The following CTPS2 variants were observed in gnomAD, a reference collection of about 807,000 sequenced individuals.
CTPS2 encodes the protein CTP synthase 2.
CTPS2 carries 19 observed loss-of-function variants against 46.8 expected under a neutral mutation model. The ratio of observed to expected loss-of-function variants is 0.41; its 90% CI spans 0.28 to 0.60. The LOEUF is 0.60. CTPS2 is among the 20% of genes least tolerant of loss of function. The pLI is 0.35. For missense variants in CTPS2, 286 were observed against 447.6 expected (o/e 0.64, Z 3.26); for synonymous variants, 151 against 165.2 (o/e 0.91, Z 0.66).
At position 16,590,779 on chromosome X, in the gene CTPS2, G is replaced by C. The variant is rs761978749; in HGVS notation, c.*14C>G. 1 of 1,154,612 alleles carries C rather than the reference G, an allele frequency of 8.7e-7. No homozygotes were observed. Among genetic ancestry groups the C allele is most frequent in the Admixed American group, 2.2e-5 (1 of 45,507 alleles). On this transcript the variant is annotated 3_prime_UTR_variant, in exon 18 of 19. Coordinates refer to ENST00000359276, the MANE Select transcript of CTPS2 (RefSeq NM_175859.3). Reference sequence around the variant, plus strand: ...TCACAGGCAGTCCCCATTATTCCCAGTCATGTATTCATTTCAGCTTATTTC... The same window carrying C: ...TCACAGGCAGTCCCCATTATTCCCACTCATGTATTCATTTCAGCTTATTTC...
intron 13 of CTPS2, among the ~76,000 whole-genome samples, chrX:16,646,429 G>A (rs1932323769): frequency 8.9e-6 from 1 of 112,543 alleles, no homozygotes. Context: ...CCATAGTAAA[G>A]ATACGCACTC....
chrX:16,631,773 A>G (rs2093012549), intron 14 of CTPS2, among the ~76,000 whole-genome samples: 1 of 111,731 alleles, frequency 9.0e-6, no homozygotes, highest in African/African-American at 3.3e-5. Context: ...GACACTATCA[A>G]GTTGTTGGCC....
At chrX:16,619,693 G>C (rs1215302623) in intron 15 of CTPS2, among the ~76,000 whole-genome samples, 1 of 111,738 alleles carries the variant, frequency 8.9e-6, no homozygotes, top group Non-Finnish European at 1.9e-5. Context: ...CAAATGCATC[G>C]TAATTGACAC....
chrX:16,654,575 G>A (rs1479313410), intron 13 of CTPS2: 2 of 592,359 alleles, frequency 3.4e-6, no homozygotes, highest in Non-Finnish European at 5.3e-6. Flanking sequence ...CTTATCCTAT[G>A]TGGAATCCCC....
intron 13 of CTPS2, among the ~76,000 whole-genome samples, chrX:16,646,934 C>T (rs1200091718): frequency 8.9e-6 from 1 of 112,030 alleles, no homozygotes; most frequent in Non-Finnish European, 1.9e-5. Flanking sequence ...CATTACCACC[C>T]TTGTGCCTGT....
At chrX:16,677,654 C>T (rs1364174662) in intron 10 of CTPS2, among the ~76,000 whole-genome samples, 1 of 111,451 alleles carries the variant, frequency 9.0e-6, no homozygotes, top group African/African-American at 3.3e-5. Context: ...GATAGGAGGT[C>T]AGCAAAAGAT....
At position 16,588,784 on chromosome X, in the gene CTPS2, T is replaced by G. The variant is rs1185875427; in HGVS notation, c.*1033A>C. ...GGAAATAGTTAAAGGTGGTGGTTGC[T>G]CAACATCAGTGAATGCAACCAAATT... On this transcript the variant is annotated 3_prime_UTR_variant, in exon 19 of 19. Transcript: ENST00000359276. The G allele has an allele frequency of 8.9e-6, 1 of 112,383 alleles. No homozygotes were observed. Among genetic ancestry groups the G allele is most frequent in the Non-Finnish European group, 1.9e-5 (1 of 53,314 alleles). 9.3% of individuals were successfully genotyped at this position (112,383 alleles called of 1,213,427 possible). A position where few individuals can be genotyped will look rare whatever the true frequency, so the allele number is the denominator to read the frequency against.
chrX:16,711,450 C>T (rs1925457432), intron 1 of CTPS2: 1 of 110,965 alleles, frequency 9.0e-6, no homozygotes, highest in Non-Finnish European at 1.9e-5. Context: ...CCGGAAGCAC[C>T]CAGAGACACC....
intron 17 of CTPS2, among the ~76,000 whole-genome samples, chrX:16,591,827 G>A (rs192693267): frequency 2.3e-3 from 253 of 110,745 alleles, no homozygotes; most frequent in Non-Finnish European, 4.3e-3. Context: ...CAGAGGAAAC[G>A]AGTATCCTTA....
At chrX:16,637,994 G>A (rs749407746) in intron 14 of CTPS2, among the ~76,000 whole-genome samples, 1 of 111,724 alleles carries the variant, frequency 9.0e-6, no homozygotes, top group African/African-American at 3.2e-5. Flanking sequence ...GGTGACTCAC[G>A]CCTGTAATCC....
intron 13 of CTPS2, chrX:16,654,707 A>C: frequency 4.2e-6 from 1 of 236,878 alleles, no homozygotes; most frequent in Non-Finnish European, 7.6e-6. Context: ...AACATAATAG[A>C]CTTGAAAGTA....
At position 16,601,360 on chromosome X, in the gene CTPS2, C is replaced by T. The variant is rs192788904; in HGVS notation, c.1691+8181G>A. On this transcript the variant is annotated intron_variant, in intron 17 of 18. Transcript: ENST00000359276. Reference sequence around the variant, plus strand: ...TTCACCTAATAATTCACCTCCGATTCGCCACCTTGTCACCTCCGATTCACC... The same window carrying T: ...TTCACCTAATAATTCACCTCCGATTTGCCACCTTGTCACCTCCGATTCACC... Among the ~76,000 whole-genome samples the T allele has an allele frequency of 1.8e-4, 20 of 110,882 alleles. No homozygotes were observed. The East Asian group carries it at 2.0e-3, about 11-fold the overall frequency.
chrX:16,640,763 C>T (rs1602181316), intron 13 of CTPS2, among the ~76,000 whole-genome samples: 2 of 111,651 alleles, frequency 1.8e-5, no homozygotes, highest in Non-Finnish European at 3.8e-5. Flanking sequence ...CTCATAAAAC[C>T]TTTCATTTGT....
intron 1 of CTPS2, chrX:16,712,039 G>A (rs1167547623): frequency 9.0e-6 from 1 of 111,083 alleles, no homozygotes; most frequent in Non-Finnish European, 1.9e-5. Flanking sequence ...GCGGGCGGAG[G>A]CGGGAAGAAG....
chrX:16,654,205 A>C (rs767670407), intron 13 of CTPS2, among the ~76,000 whole-genome samples: 1 of 112,818 alleles, frequency 8.9e-6, no homozygotes, highest in African/African-American at 3.2e-5. Context: ...GAGGACAAAA[A>C]GGTAGCCAGT....
At chrX:16,711,640 G>A (rs1394614227) in intron 1 of CTPS2, 1 of 111,150 alleles carries the variant, frequency 9.0e-6, no homozygotes, top group Non-Finnish European at 1.9e-5. Flanking sequence ...TTTGCAGGGT[G>A]AAGGAAATGG....
chrX:16,620,213 G>A (rs12850210), intron 15 of CTPS2, 64 bp downstream of exon 15: 486 of 938,867 alleles, frequency 5.2e-4, no homozygotes, highest in Non-Finnish European at 6.8e-4. Flanking sequence ...GGCTCAGCTT[G>A]TAATCACTGG....
chrX:16,700,035 C>T (rs1362349134), intron 2 of CTPS2, among the ~76,000 whole-genome samples: 2 of 108,285 alleles, frequency 1.8e-5, no homozygotes, highest in African/African-American at 6.8e-5. Context: ...TGGATCCAAG[C>T]AATTCTCATG....
chrX:16,591,010 C>A lies in CTPS2; in HGVS notation c.1692-148G>T, dbSNP rs748557583. 3.4e-5 allele frequency: 14 copies of A among 408,915 alleles called. No individual in the cohort carries two copies. In the Admixed American group the frequency reaches 3.9e-4, roughly 11 times the overall value. The allele number at this position is 408,915 out of a possible 1,213,427, so 33.7% of individuals were successfully genotyped here. On this transcript the variant is annotated intron_variant, in intron 17 of 18. Coordinates refer to ENST00000359276, the MANE Select transcript of CTPS2 (RefSeq NM_175859.3). ...TTCTTTTAGCACTTTCTAGTCACCA[C>A]AGGAAGAGGTCAGTCCAATCACATG...
Sources: gnomAD v4.1 joint callset for allele counts (sites outside exome capture counted in the v4.1 genomes callset) on GRCh38, gnomAD v4.1.1 for gene constraint, MANE v1.5 for transcripts, NCBI Gene and HGNC (gene_info 2026-07-23, HGNC 2026-07-21) for gene names.